FYN: variants seen among roughly 807,000 people sequenced by gnomAD.
FYN encodes the protein FYN proto-oncogene, Src family tyrosine kinase, also known as tyrosine-protein kinase Fyn.
FYN carries 10 observed loss-of-function variants against 70.2 expected under a neutral mutation model. The observed-to-expected ratio is 0.14, with a 90% CI of 0.09 to 0.24. The LOEUF (loss-of-function observed/expected upper bound fraction) is 0.24. Among genes scored for constraint, FYN ranks in the 10% least tolerant of loss-of-function variants. The probability of loss-of-function intolerance (pLI) is 1.00; values close to 1 mark genes in which losing one functional copy is unlikely to be tolerated. For missense variants in FYN, 319 were observed against 673.1 expected (o/e 0.47, Z 5.82); for synonymous variants, 236 against 248.6 (o/e 0.95, Z 0.48).
chr6:111,779,121 A>ATTTT lies in FYN; in HGVS notation c.-12+1441_-12+1444dup, dbSNP rs397934539. ...CCCTTGTCAGGGATCAGTAGGAGAC[A>ATTTT]TTTTTTTTTTTTTTTTTTTTTTTTT... On this transcript the variant is annotated intron_variant, in intron 3 of 13. Coordinates refer to ENST00000354650, the MANE Select transcript of FYN (RefSeq NM_002037.5). Among the ~76,000 whole-genome samples the ATTTT allele has an allele frequency of 2.7e-3, 249 of 91,368 alleles. 1 individual carries two copies. Among genetic ancestry groups the ATTTT allele is most frequent in the Non-Finnish European group, 3.6e-3 (173 of 47,916 alleles). 59.9% of individuals were successfully genotyped at this position (91,368 alleles called of 152,430 possible).
At chr6:111,676,052 T>C (rs1798518886) in intron 12 of FYN, among the ~76,000 whole-genome samples, 2 of 152,126 alleles carry the variant, frequency 1.3e-5, no homozygotes, top group African/African-American at 4.8e-5. Flanking sequence ...AATCAGAACA[T>C]TTCATAGAAT....
chr6:111,787,337 T>G (rs141642343), intron 2 of FYN, among the ~76,000 whole-genome samples: 67 of 152,302 alleles, frequency 4.4e-4, no homozygotes, highest in African/African-American at 1.6e-3. Flanking sequence ...TTTCCCCATT[T>G]CTTGTTTCTG....
intron 9 of FYN, among the ~76,000 whole-genome samples, chr6:111,698,219 C>T (rs1490781600): frequency 2.0e-5 from 3 of 152,130 alleles, no homozygotes; most frequent in African/African-American, 7.2e-5. Context: ...CCGCAACCTC[C>T]ACCTCCCAGG....
chr6:111,725,453 C>T (rs1317268149), intron 3 of FYN, among the ~76,000 whole-genome samples: 3 of 152,208 alleles, frequency 2.0e-5, no homozygotes, highest in Non-Finnish European at 4.4e-5. Context: ...GCAGTGCTGC[C>T]TTCTGGGGAC....
chr6:111,666,141 CT>C (rs1278412229), intron 13 of FYN, among the ~76,000 whole-genome samples: 1 of 151,878 alleles, frequency 6.6e-6, no homozygotes, highest in Non-Finnish European at 1.5e-5. Context: ...AGCTGGGATC[CT>C]TTTTCTCCTT....
intron 3 of FYN, among the ~76,000 whole-genome samples, chr6:111,745,150 C>G (rs942264560): frequency 6.6e-6 from 1 of 152,156 alleles, no homozygotes; most frequent in Non-Finnish European, 1.5e-5. Flanking sequence ...ATCCATCCAC[C>G]TACCCACCCA....
Position 111,661,650 on chromosome 6 carries a change from G to T in FYN, c.*89C>A. The T allele has an allele frequency of 1.6e-6, 2 of 1,284,160 alleles. No homozygotes were observed. The highest frequency in any genetic ancestry group is 2.2e-6 in the Non-Finnish European group (2 of 913,328). The allele number at this position is 1,284,160 out of a possible 1,614,324, so 79.5% of individuals were successfully genotyped here. A position where few individuals can be genotyped will look rare whatever the true frequency, so the allele number is the denominator to read the frequency against. ...CAATCTGATCCTGGGCGGTTCCGCT[G>T]CTGGGGAGCAGCTGGCTACGGAATT... is the stretch of plus-strand genomic sequence containing the variant. On this transcript the variant is annotated 3_prime_UTR_variant, in exon 14 of 14. Coordinates refer to ENST00000354650, the MANE Select transcript of FYN (RefSeq NM_002037.5). The surrounding 1 kb of genome is among the most constrained non-coding windows in gnomAD (Gnocchi z 4.0).
At chr6:111,872,226 T>C (rs936013993) in intron 1 of FYN, among the ~76,000 whole-genome samples, 2 of 151,798 alleles carry the variant, frequency 1.3e-5, no homozygotes, top group African/African-American at 4.8e-5. Context: ...CCTCCGCCTG[T>C]GGCCGCAGAG....
At chr6:111,682,664 G>A (rs1798825907) in intron 12 of FYN, among the ~76,000 whole-genome samples, 1 of 152,206 alleles carries the variant, frequency 6.6e-6, no homozygotes, top group African/African-American at 2.4e-5. Context: ...GCTGAGCTGG[G>A]ATTGAGTGGT....
chr6:111,661,628 T>C lies in FYN; in HGVS notation c.*111A>G. The C allele has an allele frequency of 9.9e-7, 1 of 1,013,304 alleles. No homozygotes were observed. The highest frequency in any genetic ancestry group is 1.5e-5 in the South Asian group (1 of 64,580). The allele number at this position is 1,013,304 out of a possible 1,614,324, so 62.8% of individuals were successfully genotyped here. ...TCGTCAGCTTCAGAGTCACATGCAATCTGATCCTGGGCGGTTCCGCTGCTG... is the reference window on the plus strand; with the variant it reads ...TCGTCAGCTTCAGAGTCACATGCAACCTGATCCTGGGCGGTTCCGCTGCTG... On this transcript the variant is annotated 3_prime_UTR_variant, in exon 14 of 14. Transcript: ENST00000354650. This position sits in a 1 kb window ranked among gnomAD's most constrained non-coding sequence, Gnocchi z 4.0.
At chr6:111,825,910 C>G (rs1314600754) in intron 2 of FYN, among the ~76,000 whole-genome samples, 1 of 152,196 alleles carries the variant, frequency 6.6e-6, no homozygotes, top group African/African-American at 2.4e-5. Flanking sequence ...ATTACTGTCA[C>G]TAGATTGTAT....
At chr6:111,800,183 AG>A (rs1771939907) in intron 2 of FYN, among the ~76,000 whole-genome samples, 1 of 152,348 alleles carries the variant, frequency 6.6e-6, no homozygotes, top group Admixed American at 6.5e-5. Context: ...TAATGTTAAT[AG>A]GAGTTATATA....
intron 3 of FYN, among the ~76,000 whole-genome samples, chr6:111,738,170 G>A (rs565096789): frequency 3.3e-5 from 5 of 152,156 alleles, no homozygotes; most frequent in Admixed American, 1.3e-4. Context: ...CTAGCAGGAC[G>A]TCAACAATTT....
chr6:111,858,118 T>TC (rs1773871206), intron 1 of FYN, among the ~76,000 whole-genome samples: 1 of 152,090 alleles, frequency 6.6e-6, no homozygotes, highest in South Asian at 2.1e-4. Flanking sequence ...TGTCGGGATT[T>TC]CCCCACGCCA....
At chr6:111,819,660 C>A (rs1457392555) in intron 2 of FYN, among the ~76,000 whole-genome samples, 1 of 151,940 alleles carries the variant, frequency 6.6e-6, no homozygotes, top group Non-Finnish European at 1.5e-5. Flanking sequence ...TGTGTAGTTT[C>A]TACTTTCCTG....
intron 1 of FYN, among the ~76,000 whole-genome samples, chr6:111,853,085 G>A (rs1773729352): frequency 6.7e-6 from 1 of 149,796 alleles, no homozygotes; most frequent in Non-Finnish European, 1.5e-5. Context: ...ATCACCCAGA[G>A]CAGCACCTTT....
intron 3 of FYN, among the ~76,000 whole-genome samples, chr6:111,725,484 G>A (rs907626526): frequency 1.1e-4 from 16 of 151,894 alleles, no homozygotes; most frequent in Non-Finnish European, 2.4e-4. Context: ...GAAGGGCCAG[G>A]GAGGACTGGG....
At chr6:111,866,420 C>T (rs1302289059) in intron 1 of FYN, among the ~76,000 whole-genome samples, 1 of 152,244 alleles carries the variant, frequency 6.6e-6, no homozygotes, top group Non-Finnish European at 1.5e-5. Context: ...CAGCTCACTG[C>T]AACCTCTGCC....
chr6:111,867,625 T>C (rs1220637574), intron 1 of FYN, among the ~76,000 whole-genome samples: 2 of 152,132 alleles, frequency 1.3e-5, no homozygotes, highest in Non-Finnish European at 2.9e-5. Context: ...TGTCTCTACC[T>C]AATTTCCCAG....
Sources: allele counts gnomAD v4.1 joint callset (sites outside exome capture counted in the v4.1 genomes callset), GRCh38; gene constraint gnomAD v4.1.1; non-coding constraint Gnocchi (gnomAD v3.1); transcripts MANE v1.5; gene names NCBI Gene and HGNC (gene_info 2026-07-23, HGNC 2026-07-21).